Variants in OCRL observed in about 807,000 individuals in gnomAD.
OCRL encodes OCRL inositol polyphosphate-5-phosphatase.
Under a neutral mutation model 78.9 loss-of-function variants are expected in OCRL, and 8 were observed. The observed-to-expected ratio is 0.10, with a 90% CI of 0.06 to 0.18. The LOEUF (loss-of-function observed/expected upper bound fraction) is 0.18, where lower values mean the gene tolerates loss of function less well. Among genes scored for constraint, OCRL ranks in the 10% least tolerant of loss-of-function variants. OCRL has a pLI of 1.00. For missense variants in OCRL, 454 were observed against 696.7 expected, an observed-to-expected ratio of 0.65 and a Z score of 3.92; for synonymous variants, 240 against 235.4, an observed-to-expected ratio of 1.02 and a Z score of -0.18.
chrX:129,570,294 A>T (rs775540508), intron 15 of OCRL, among the ~76,000 whole-genome samples: 1 of 112,049 alleles, frequency 8.9e-6, no homozygotes. Context: ...TTTGCATCCG[A>T]GTTCAACCAC....
intron 15 of OCRL, among the ~76,000 whole-genome samples, chrX:129,571,635 C>G (rs769400554): frequency 1.8e-5 from 2 of 110,708 alleles, no homozygotes; most frequent in African/African-American, 6.6e-5. Context: ...CGCAGCCAAC[C>G]TTGGGATGTT....
Position 129,590,522 on chromosome X carries a change from G to A in OCRL, c.*252G>A. On this transcript the variant is annotated 3_prime_UTR_variant, in exon 24 of 24. Transcript: ENST00000371113. ...GTGTTTTCTCTTTATAAGGCAAAAA[G>A]ATCTGTATTTACACTCCTTCACCTA... is the stretch of plus-strand genomic sequence containing the variant. The A allele has an allele frequency of 2.7e-6, 1 of 365,318 alleles. No homozygotes were observed. Among genetic ancestry groups the A allele is most frequent in the South Asian group, 3.5e-5 (1 of 28,739 alleles). The allele number at this position is 365,318 out of a possible 1,213,427, so 30.1% of individuals were successfully genotyped here.
intron 18 of OCRL, among the ~76,000 whole-genome samples, chrX:129,582,623 G>A (rs192310200): frequency 8.9e-6 from 1 of 111,887 alleles, no homozygotes; most frequent in African/African-American, 3.2e-5. Flanking sequence ...ATCAGATGTT[G>A]GGCACTCAAA....
At chrX:129,564,176 A>G (rs1174756305) in intron 12 of OCRL, among the ~76,000 whole-genome samples, 3 of 111,262 alleles carry the variant, frequency 2.7e-5, no homozygotes, top group African/African-American at 9.8e-5. Context: ...ATGAGATACC[A>G]TCTCACACCA....
chrX:129,564,808 A>G (rs1325268343), intron 12 of OCRL, among the ~76,000 whole-genome samples: 1 of 110,824 alleles, frequency 9.0e-6, no homozygotes, highest in Non-Finnish European at 1.9e-5. Context: ...CCAGCATGGC[A>G]CATGTATACA....
chrX:129,565,710 A>G, intron 12 of OCRL, 62 bp from the exon 13 acceptor site: 1 of 880,153 alleles, frequency 1.1e-6, no homozygotes, highest in Non-Finnish European at 1.7e-6. Flanking sequence ...TCTTCTCTCC[A>G]TCCTTCTCTG....
chrX:129,557,146 T>C (rs750162096), intron 4 of OCRL, among the ~76,000 whole-genome samples, 179 bp from the exon 5 acceptor site: 2 of 111,204 alleles, frequency 1.8e-5, no homozygotes, highest in East Asian at 5.6e-4. Flanking sequence ...CCTCTCTGCA[T>C]CACCCCTTCC....
intron 14 of OCRL, 38 bp downstream of exon 14, chrX:129,567,401 G>T (rs764360237): frequency 1.0e-6 from 1 of 972,465 alleles, no homozygotes; most frequent in Non-Finnish European, 1.5e-6. Context: ...GAAGGTTAAG[G>T]CTTGATCTTA....
chrX:129,552,189 G>A (rs1165803823), intron 4 of OCRL, among the ~76,000 whole-genome samples: 2 of 111,684 alleles, frequency 1.8e-5, no homozygotes, highest in Non-Finnish European at 3.8e-5. Flanking sequence ...TAGAGAGTGT[G>A]GTGGCATTAG....
At chrX:129,554,650 A>G (rs1206788294) in intron 4 of OCRL, among the ~76,000 whole-genome samples, 1 of 111,886 alleles carries the variant, frequency 8.9e-6, no homozygotes, top group South Asian at 3.7e-4. Context: ...GAGAATATAA[A>G]CAGACTCCAT....
chrX:129,543,610 C>G (rs1470738225), intron 2 of OCRL, among the ~76,000 whole-genome samples: 1 of 113,201 alleles, frequency 8.8e-6, no homozygotes, highest in Non-Finnish European at 1.9e-5. Flanking sequence ...CAAGAAGGAT[C>G]ACAGCAGAAA....
chrX:129,544,638 G>C (rs1935853636), intron 2 of OCRL, among the ~76,000 whole-genome samples: 1 of 111,971 alleles, frequency 8.9e-6, no homozygotes, highest in Admixed American at 9.5e-5. Flanking sequence ...TGCACTCATG[G>C]ACTTCACATC....
At chrX:129,542,806 GTCTC>G (rs1310770381) in intron 2 of OCRL, among the ~76,000 whole-genome samples, 1 of 111,465 alleles carries the variant, frequency 9.0e-6, no homozygotes, top group African/African-American at 3.3e-5. Context: ...TCATATTCTT[GTCTC>G]TCTGGTGTCT....
At chrX:129,566,917 CTTT>C (rs1200544249) in intron 13 of OCRL, among the ~76,000 whole-genome samples, 2 of 112,176 alleles carry the variant, frequency 1.8e-5, no homozygotes, top group African/African-American at 6.5e-5. Flanking sequence ...TGTGCTTTTT[CTTT>C]AAATTAAAAT....
At position 129,559,012 on chromosome X, in the gene OCRL, CTT is replaced by C; in HGVS notation, c.722+14_722+15del. On this transcript the variant is annotated intron_variant, in intron 8 of 23. Transcript: ENST00000371113. ...CATTCAGACTTTCAGGTTAGTGTCT[CTT>C]TTGCTTCCTGAGTCTAAAAAGTTAG... The C allele has an allele frequency of 1.7e-6, 2 of 1,201,627 alleles. No homozygotes were observed. Among genetic ancestry groups the C allele is most frequent in the East Asian group, 3.0e-5 (1 of 33,748 alleles).
intron 18 of OCRL, among the ~76,000 whole-genome samples, chrX:129,581,011 C>T (rs74401646): frequency 0.012 from 1,308 of 111,367 alleles, 24 homozygotes; most frequent in African/African-American, 0.041. Context: ...ACTACAGGCG[C>T]GCGCCACCAC....
chrX:129,540,446 C>A lies in OCRL; in HGVS notation c.7C>A (p.Pro3Thr), dbSNP rs1317886827. The A allele has an allele frequency of 8.7e-7, 1 of 1,155,118 alleles. No individual in the cohort carries two copies. Among genetic ancestry groups the A allele is most frequent in the South Asian group, 1.9e-5 (1 of 52,421 alleles). ME[P>T]PLPVGAQPLA... Reference sequence around the variant, plus strand: ...GAGCCCGGAGGCCGCCTGGATGGAGCCGCCGCTCCCGGTCGGAGCCCAGCC... The same window carrying A: ...GAGCCCGGAGGCCGCCTGGATGGAGACGCCGCTCCCGGTCGGAGCCCAGCC... Residue 3 changes from proline (P) to threonine (T), a missense_variant, in exon 1 of 24, where the codon CCG becomes ACG. By Grantham distance (38) the Pro-to-Thr change is conservative. Coordinates refer to ENST00000371113, the MANE Select transcript of OCRL (RefSeq NM_000276.4).
intron 18 of OCRL, among the ~76,000 whole-genome samples, chrX:129,579,328 C>G (rs932239038): frequency 2.7e-5 from 3 of 111,503 alleles, no homozygotes; most frequent in Admixed American, 9.5e-5. Flanking sequence ...GTATAGTATT[C>G]ATGTTTTTTT....
chrX:129,567,702 A>ATT (rs202183208), intron 14 of OCRL, among the ~76,000 whole-genome samples: 5 of 110,007 alleles, frequency 4.5e-5, no homozygotes, highest in African/African-American at 1.7e-4. Flanking sequence ...TGTTCTGGCT[A>ATT]TTTTTTTTCC....
Sources: gnomAD v4.1 joint callset for allele counts (sites outside exome capture counted in the v4.1 genomes callset) on GRCh38, gnomAD v4.1.1 for gene constraint, MANE v1.5 for transcripts, NCBI Gene and HGNC (gene_info 2026-07-23, HGNC 2026-07-21) for gene names.